DOT1L: variants seen among roughly 807,000 people sequenced by gnomAD.
DOT1L encodes the protein histone-lysine N-methyltransferase, H3 lysine-79 specific.
In DOT1L, 33 loss-of-function variants were observed where a neutral mutation model predicts 153.3. The observed-to-expected ratio is 0.22, with a 90% confidence interval of 0.16 to 0.29. The LOEUF is 0.29. DOT1L is among the 10% of genes least tolerant of loss of function. DOT1L has a pLI of 1.00. For synonymous variants in DOT1L, 1,135 were observed against 965.1 expected (o/e 1.18, Z -3.26); for missense variants, 1,847 against 2,119.9 (o/e 0.87, Z 2.53).
intron 7 of DOT1L, among the ~76,000 whole-genome samples, 168 bp downstream of exon 7, chr19:2,194,745 G>A (rs963228249): frequency 8.5e-5 from 13 of 152,198 alleles, no homozygotes; most frequent in African/African-American, 2.9e-4. Context: ...TGGCGTCTGA[G>A]CCGGCAGCAG....
chr19:2,190,418 C>T lies in DOT1L; in HGVS notation c.265-594C>T, dbSNP rs545198064. On this transcript the variant is annotated intron_variant, in intron 4 of 27. Transcript: ENST00000398665. This position sits in a 1 kb window ranked among gnomAD's most constrained non-coding sequence, Gnocchi z 4.8. ...GTGGGGGTGGCATGGGCTCACTTGG[C>T]CCTCCTGAGTGGGACTGGGCTGGGC... 6.6e-6 allele frequency among the ~76,000 whole-genome samples: 1 copy of T among 152,046 alleles called. No individual in the cohort carries two copies. Among genetic ancestry groups the T allele is most frequent in the Admixed American group, 6.6e-5 (1 of 15,264 alleles).
At position 2,213,948 on chromosome 19, in the gene DOT1L, C is replaced by T; in HGVS notation, c.1759C>T (p.Gln587Ter). The change falls in exon 18 of 28, where the codon CAG becomes TAG. Residue 587 changes from glutamine to a stop codon, truncating the protein, a stop_gained. Coordinates refer to ENST00000398665, the MANE Select transcript of DOT1L (RefSeq NM_032482.3). LOFTEE classifies it high-confidence loss of function. ...QLREQSEQLE[Q>*]DNRALRGQSL... ...GCGGGAGCAGTCGGAGCAGCTGGAG[C>T]AGGACAACCGCGCGCTCCGCGGCCA... 6.2e-7 allele frequency: 1 copy of T among 1,612,974 alleles called. No individual in the cohort carries two copies. The highest frequency in any genetic ancestry group is 8.5e-7 in the Non-Finnish European group (1 of 1,180,012).
intron 27 of DOT1L, chr19:2,228,740 C>G: frequency 1.0e-6 from 1 of 985,422 alleles, no homozygotes; most frequent in Non-Finnish European, 1.2e-6. Context: ...GGGCTCCATC[C>G]GCACCAGGCC....
In DOT1L at chr19:2,220,983, C is replaced by T. The variant is rs751914968; in HGVS notation, c.2806+761C>T. ...CTGAGGACAGGAGTTTGAGACCAGCCTGGCCAACATGGTGAAACCACCGTC... is the reference window on the plus strand; with the variant it reads ...CTGAGGACAGGAGTTTGAGACCAGCTTGGCCAACATGGTGAAACCACCGTC... On this transcript the variant is annotated intron_variant, in intron 23 of 27. Coordinates refer to ENST00000398665, the MANE Select transcript of DOT1L (RefSeq NM_032482.3). The surrounding 1 kb of genome is among the most constrained non-coding windows in gnomAD (Gnocchi z 4.5). The T allele has an allele frequency of 5.5e-6, 1 of 182,584 alleles. No individual in the cohort carries two copies. Among genetic ancestry groups the T allele is most frequent in the Non-Finnish European group, 1.2e-5 (1 of 85,336 alleles). 11.3% of individuals were successfully genotyped at this position (182,584 alleles called of 1,614,324 possible). A position where few individuals can be genotyped will look rare whatever the true frequency, so the allele number is the denominator to read the frequency against.
intron 27 of DOT1L, 95 bp from the exon 28 acceptor site, chr19:2,229,690 C>A: frequency 6.2e-7 from 1 of 1,606,232 alleles, no homozygotes; most frequent in Non-Finnish European, 8.5e-7. Context: ...CGTGTGTGCT[C>A]GTGGGAGGCC....
chr19:2,228,160 C>T, intron 27 of DOT1L: 1 of 1,364,902 alleles, frequency 7.3e-7, no homozygotes, highest in Non-Finnish European at 9.8e-7. Context: ...ATCAAGCTCA[C>T]CTCCCTCCCG....
Position 2,223,301 on chromosome 19 carries a change from C to T in DOT1L, c.3411C>T (p.Pro1137=), listed in dbSNP as rs747814338. Residue 1137 remains proline (P), a synonymous_variant, in exon 25 of 28, where the codon CCC becomes CCT. Transcript: ENST00000398665. ...LNSMVSNINQ[P]LEITAISSPE... is the part of the protein sequence containing the mutation. ...CTCAGGTCAGTAACATCAACCAGCCCCTGGAGATTACAGCCATCTCGTCCC... is the reference window on the plus strand; with the variant it reads ...CTCAGGTCAGTAACATCAACCAGCCTCTGGAGATTACAGCCATCTCGTCCC... The T allele has an allele frequency of 2.4e-5, 39 of 1,613,478 alleles. 1 individual carries two copies. In the East Asian group the frequency reaches 4.2e-4, roughly 18 times the overall value.
At position 2,164,097 on chromosome 19, in the gene DOT1L, CCTCCCGCCCGCCCTCCTCCG is replaced by C; in HGVS notation, c.-86_-67del. On this transcript the variant is annotated 5_prime_UTR_variant, in exon 1 of 28. Coordinates refer to ENST00000398665, the MANE Select transcript of DOT1L (RefSeq NM_032482.3). The stretch of plus-strand genomic sequence containing the variant: ...CCCTCCCCTCAGCCTCCCGCCCCTC[CCTCCCGCCCGCCCTCCTCCG>C]CCCACCGGCGGCCCCGCCCCTCCCC... 7.2e-6 allele frequency: 1 copy of C among 138,714 alleles called. No homozygotes were observed. The highest frequency in any genetic ancestry group is 1.6e-5 in the Non-Finnish European group (1 of 63,092). The allele number at this position is 138,714 out of a possible 1,614,324, so 8.6% of individuals were successfully genotyped here.
At chr19:2,192,899 T>TA (rs974102326) in intron 5 of DOT1L, among the ~76,000 whole-genome samples, 1 of 152,308 alleles carries the variant, frequency 6.6e-6, no homozygotes, top group Admixed American at 6.5e-5. Flanking sequence ...GATGACGGCC[T>TA]AGCACTTGCT....
chr19:2,207,537 C>T lies in DOT1L; in HGVS notation c.857-37C>T, dbSNP rs1485368205. 2.5e-6 allele frequency: 4 copies of T among 1,571,812 alleles called. No homozygotes were observed. Among genetic ancestry groups the T allele is most frequent in the African/African-American group, 1.3e-5 (1 of 74,090 alleles). On this transcript the variant is annotated intron_variant, in intron 10 of 27. Transcript: ENST00000398665. The surrounding 1 kb of genome is among the most constrained non-coding windows in gnomAD (Gnocchi z 4.5). ...GAGGTCTGCATGGAGGGGCTGTGGGCAGGCGCAGGCCCCGGCCTCACCTGT... is the reference window on the plus strand; with the variant it reads ...GAGGTCTGCATGGAGGGGCTGTGGGTAGGCGCAGGCCCCGGCCTCACCTGT...
rs1256280094 is a variant in DOT1L at position 2,178,095 on chromosome 19, T to C, written c.82-2618T>C. On this transcript the variant is annotated intron_variant, in intron 1 of 27. Transcript: ENST00000398665. ...GCACCACCATGCCCAGCTAATTTTT[T>C]TTTTTTTTGTATTTTTCATAGAGAT... is the stretch of plus-strand genomic sequence containing the variant. 2.0e-5 allele frequency among the ~76,000 whole-genome samples: 3 copies of C among 151,526 alleles called. No homozygotes were observed. The East Asian group carries it at 5.8e-4, about 29-fold the overall frequency.
At chr19:2,209,031 G>A (rs1862106887) in intron 12 of DOT1L, 55 bp downstream of exon 12, 2 of 1,586,740 alleles carry the variant, frequency 1.3e-6, no homozygotes, top group East Asian at 4.5e-5. Flanking sequence ...CTGATGTGGG[G>A]AAATGCAAAG....
chr19:2,188,494 C>CCACCG (rs1491479536), intron 3 of DOT1L, among the ~76,000 whole-genome samples: 1 of 117,586 alleles, frequency 8.5e-6, no homozygotes, highest in Non-Finnish European at 1.7e-5. Context: ...CCCCCCCCCC[C>CCACCG]ACCCGCACAG....
Position 2,226,582 on chromosome 19 carries a change from C to T in DOT1L, c.4061C>T (p.Pro1354Leu), listed in dbSNP as rs2144933030. Reference protein sequence around the residue: ...AAGLSSPLSFPSQRGKEGSDA... With the variant: ...AAGLSSPLSFLSQRGKEGSDA... ...GGCCTGAGCTCCCCGCTGAGCTTCC[C>T]CTCGCAGCGCGGCAAGGAGGGCTCG... The change falls in exon 27 of 28, where the codon CCC (proline) becomes CTC (leucine). Residue 1354 changes from proline to leucine, a missense_variant. By Grantham distance (98) the Pro-to-Leu change is moderately conservative. Around this residue, in one of 8 missense-constraint regions of DOT1L, gnomAD observed 934 missense variants for 825.3 expected, o/e 1.13. Transcript: ENST00000398665. 1.2e-6 allele frequency: 2 copies of T among 1,600,066 alleles called. No individual in the cohort carries two copies. The highest frequency in any genetic ancestry group is 2.2e-5 in the East Asian group (1 of 44,768).
In DOT1L at chr19:2,226,734, C is replaced by G. The variant is rs764863340; in HGVS notation, c.4213C>G (p.Leu1405Val). 22 of 1,558,982 alleles carry G rather than the reference C, an allele frequency of 1.4e-5. No individual in the cohort carries two copies. Among genetic ancestry groups the G allele is most frequent in the South Asian group, 9.6e-5 (8 of 83,608 alleles). ...GTGCGGGCCCACGGACAAGACCCCACTGCTGAGCGGCAAGGCCGCCAAGGC... is the reference window on the plus strand; with the variant it reads ...GTGCGGGCCCACGGACAAGACCCCAGTGCTGAGCGGCAAGGCCGCCAAGGC... The part of the protein sequence containing the change: ...PLCGPTDKTP[L>V]LSGKAAKARD... The change falls in exon 27 of 28, where the codon CTG (leucine) becomes GTG (valine). Residue 1405 changes from leucine to valine, a missense_variant. Around this residue, in one of 8 missense-constraint regions of DOT1L, gnomAD observed 934 missense variants for 825.3 expected, o/e 1.13. Transcript: ENST00000398665.
intron 23 of DOT1L, chr19:2,221,359 C>CGA (rs2024106146): frequency 6.5e-6 from 1 of 153,190 alleles, no homozygotes; most frequent in Admixed American, 6.5e-5. Context: ...GTCTGCTCTG[C>CGA]GAGAGGCAGT....
Position 2,230,125 on chromosome 19 carries a change from C to T in DOT1L, c.*333C>T, listed in dbSNP as rs1010400343. On this transcript the variant is annotated 3_prime_UTR_variant, in exon 28 of 28. Transcript: ENST00000398665. ...TATATAAAGACACGTGTCTGCAGGG[C>T]GGGCCCGCCAGCGGATTCGCCACAG... 4.6e-5 allele frequency: 24 copies of T among 517,332 alleles called. No individual in the cohort carries two copies. Among genetic ancestry groups the T allele is most frequent in the African/African-American group, 1.2e-4 (6 of 50,390 alleles). 32.0% of individuals were successfully genotyped at this position (517,332 alleles called of 1,614,324 possible).
intron 25 of DOT1L, among the ~76,000 whole-genome samples, chr19:2,224,333 C>T (rs1298820919): frequency 6.6e-6 from 1 of 152,246 alleles, no homozygotes; most frequent in African/African-American, 2.4e-5. Flanking sequence ...CACACCATTC[C>T]ACCCTGCCAC....
In DOT1L at chr19:2,207,175, C is replaced by T. The variant is rs371647998; in HGVS notation, c.856+378C>T. ...GCCCCCTGCCTGCCTTACTGTGCTG[C>T]GTGCTCTGTCAGCTCCCAGCCTTGC... is the stretch of plus-strand genomic sequence containing the variant. On this transcript the variant is annotated intron_variant, in intron 10 of 27. Coordinates refer to ENST00000398665, the MANE Select transcript of DOT1L (RefSeq NM_032482.3). This position sits in a 1 kb window ranked among gnomAD's most constrained non-coding sequence, Gnocchi z 4.5. Among the ~76,000 whole-genome samples the T allele has an allele frequency of 1.4e-4, 22 of 152,334 alleles. No homozygotes were observed. Among genetic ancestry groups the T allele is most frequent in the African/African-American group, 3.8e-4 (16 of 41,578 alleles).
Sources: allele counts gnomAD v4.1 joint callset (sites outside exome capture counted in the v4.1 genomes callset), GRCh38; gene constraint gnomAD v4.1.1; regional missense constraint gnomAD v4.1.1; non-coding constraint Gnocchi (gnomAD v3.1); transcripts MANE v1.5; gene names NCBI Gene and HGNC (gene_info 2026-07-23, HGNC 2026-07-21).